Variants in SGTB observed in about 807,000 individuals in gnomAD.
SGTB encodes small glutamine rich tetratricopeptide repeat co-chaperone beta.
In SGTB, 19 loss-of-function variants were observed where a neutral mutation model predicts 43.9. That is an observed-to-expected ratio of 0.43 (90% CI 0.30 to 0.63). SGTB has a LOEUF of 0.63. Ranked by LOEUF, SGTB falls within the 30% of genes least tolerant of loss-of-function variation. SGTB has a pLI of 0.12. For missense variants in SGTB, 304 were observed against 358.9 expected (o/e 0.85, Z 1.24); for synonymous variants, 116 against 117.3 (o/e 0.99, Z 0.07).
At position 65,720,779 on chromosome 5, in the gene SGTB, G is replaced by A; in HGVS notation, c.29C>T (p.Ala10Val). 4 of 1,613,770 alleles carry A rather than the reference G, an allele frequency of 2.5e-6. No homozygotes were observed. Among genetic ancestry groups the A allele is most frequent in the Non-Finnish European group, 2.5e-6 (3 of 1,179,896 alleles). Residue 10 changes from alanine to valine, a missense_variant, in exon 2 of 11, where the codon GCA (alanine) becomes GTA (valine). Ala to Val is a moderately conservative substitution (Grantham distance 64). Coordinates refer to ENST00000381007, the MANE Select transcript of SGTB (RefSeq NM_019072.3). MSSIKHLVY[A>V]VIRFLREQSQ... is the part of the protein sequence containing the mutation. ...TTGTTCCCGTAAGAAACGAATAACT[G>A]CATAAACCAGGTGCTTGATAGATGA...
At chr5:65,673,319 A>G (rs1351218098) in intron 8 of SGTB, among the ~76,000 whole-genome samples, 1 of 152,178 alleles carries the variant, frequency 6.6e-6, no homozygotes, top group Non-Finnish European at 1.5e-5. Flanking sequence ...AAGAGGCACC[A>G]TTGACTGCTT....
At chr5:65,670,988 G>A (rs1757143545) in intron 10 of SGTB, among the ~76,000 whole-genome samples, 1 of 152,146 alleles carries the variant, frequency 6.6e-6, no homozygotes, top group South Asian at 2.1e-4. Context: ...TGATATAAGT[G>A]AAGGCAATGT....
intron 3 of SGTB, among the ~76,000 whole-genome samples, chr5:65,710,116 T>C (rs1363065808): frequency 2.0e-5 from 3 of 152,160 alleles, no homozygotes; most frequent in Admixed American, 6.5e-5. Context: ...AATAAAAATA[T>C]AGAAACAACA....
At chr5:65,705,290 G>C (rs1168024773) in intron 4 of SGTB, among the ~76,000 whole-genome samples, 1 of 151,560 alleles carries the variant, frequency 6.6e-6, no homozygotes, top group East Asian at 1.9e-4. Context: ...TCAACAAAAA[G>C]AATAATTAAA....
chr5:65,681,923 C>T (rs1189285288), intron 6 of SGTB, among the ~76,000 whole-genome samples: 3 of 150,660 alleles, frequency 2.0e-5, no homozygotes, highest in Admixed American at 6.6e-5. Context: ...TGCAGTGGGC[C>T]GAGATTGTGC....
rs1350351341 is a variant in SGTB at position 65,666,834 on chromosome 5, G to A, written c.*3412C>T. On this transcript the variant is annotated 3_prime_UTR_variant, in exon 11 of 11. Coordinates refer to ENST00000381007, the MANE Select transcript of SGTB (RefSeq NM_019072.3). ...CCCATTATTTCATGTAAAAAGAATG[G>A]CTAATTTAACTACAGATGTTAGCAC... 1.3e-5 allele frequency: 2 copies of A among 152,128 alleles called. No homozygotes were observed. Among genetic ancestry groups the A allele is most frequent in the East Asian group, 3.8e-4 (2 of 5,206 alleles). The allele number at this position is 152,128 out of a possible 1,614,324, so 9.4% of individuals were successfully genotyped here. A position where few individuals can be genotyped will look rare whatever the true frequency, so the allele number is the denominator to read the frequency against.
At chr5:65,672,663 G>A (rs1414056833) in intron 8 of SGTB, among the ~76,000 whole-genome samples, 1 of 152,110 alleles carries the variant, frequency 6.6e-6, no homozygotes, top group Admixed American at 6.5e-5. Flanking sequence ...TTGCTCCATG[G>A]GGCCCAGCAA....
At chr5:65,690,358 G>A (rs981817997) in intron 5 of SGTB, among the ~76,000 whole-genome samples, 1 of 152,118 alleles carries the variant, frequency 6.6e-6, no homozygotes, top group Non-Finnish European at 1.5e-5. Context: ...AGGATCACTT[G>A]AGCCCAGGAG....
At chr5:65,716,515 A>T (rs1053176318) in intron 2 of SGTB, among the ~76,000 whole-genome samples, 1 of 152,212 alleles carries the variant, frequency 6.6e-6, no homozygotes, top group Admixed American at 6.5e-5. Flanking sequence ...TCAAATCTAG[A>T]CATATTTTGA....
chr5:65,672,262 T>A lies in SGTB; in HGVS notation c.701A>T (p.Asn234Ile). 1 of 1,614,092 alleles carries A rather than the reference T, an allele frequency of 6.2e-7. No homozygotes were observed. The highest frequency in any genetic ancestry group is 1.1e-5 in the South Asian group (1 of 91,082). Reference protein sequence around the residue: ...FISMAASLMQNPQVQQLMSGM... With the variant: ...FISMAASLMQIPQVQQLMSGM... ...TACTTACAGCTGTTGAACTTGAGGG[T>A]TCTGCATTAAACTTGCCGCCTGGAA... Residue 234 changes from asparagine (N) to isoleucine (I), a missense_variant, in exon 9 of 11, where the codon AAC becomes ATC. Coordinates refer to ENST00000381007, the MANE Select transcript of SGTB (RefSeq NM_019072.3).
chr5:65,672,383 C>G, intron 8 of SGTB, 102 bp from the exon 9 acceptor site: 1 of 1,393,344 alleles, frequency 7.2e-7, no homozygotes, highest in South Asian at 1.2e-5. Flanking sequence ...CATGTATGCA[C>G]TAACATTTTG....
Position 65,670,225 on chromosome 5 carries a change from G to C in SGTB, c.*21C>G. The stretch of plus-strand genomic sequence containing the variant: ...CATAGCCATAAACCATTTGTATCTT[G>C]GGCTTGAGCCCCTGGTTAAATCAGG... On this transcript the variant is annotated 3_prime_UTR_variant, in exon 11 of 11. Transcript: ENST00000381007. 6.2e-7 allele frequency: 1 copy of C among 1,605,544 alleles called. No homozygotes were observed. Among genetic ancestry groups the C allele is most frequent in the Non-Finnish European group, 8.5e-7 (1 of 1,172,476 alleles).
intron 1 of SGTB, among the ~76,000 whole-genome samples, 157 bp downstream of exon 1, chr5:65,721,760 C>T (rs1423795514): frequency 2.6e-5 from 4 of 152,192 alleles, no homozygotes; most frequent in Admixed American, 2.0e-4. Context: ...GGCTTCTCCC[C>T]CTTCCTCTCC....
upstream of SGTB, chr5:65,722,398 G>A: frequency 6.3e-7 from 1 of 1,591,188 alleles, no homozygotes; most frequent in Non-Finnish European, 8.5e-7. Flanking sequence ...CCTTTTGGCT[G>A]TGCGAAGCCT....
intron 4 of SGTB, among the ~76,000 whole-genome samples, chr5:65,706,158 A>T (rs1157871519): frequency 6.6e-6 from 1 of 152,234 alleles, no homozygotes. Flanking sequence ...ATTATATCGC[A>T]ACAAATATCT....
At chr5:65,694,066 T>C (rs1414744346) in intron 5 of SGTB, among the ~76,000 whole-genome samples, 3 of 152,092 alleles carry the variant, frequency 2.0e-5, no homozygotes, top group Non-Finnish European at 2.9e-5. Context: ...AGCTACCATA[T>C]TGGACAGCAC....
At chr5:65,711,013 A>G (rs1385018556) in intron 3 of SGTB, among the ~76,000 whole-genome samples, 5 of 150,980 alleles carry the variant, frequency 3.3e-5, no homozygotes, top group Admixed American at 6.6e-5. Flanking sequence ...AAAAAAAAAA[A>G]AAATAGCCAG....
intron 4 of SGTB, 145 bp downstream of exon 4, chr5:65,708,344 C>T: frequency 1.6e-6 from 1 of 621,910 alleles, no homozygotes; most frequent in Non-Finnish European, 2.7e-6. Flanking sequence ...TCTTACCCAT[C>T]ACATTCATTT....
At chr5:65,695,079 G>A (rs769176556) in intron 5 of SGTB, among the ~76,000 whole-genome samples, 9 of 152,092 alleles carry the variant, frequency 5.9e-5, no homozygotes, top group Non-Finnish European at 7.4e-5. Context: ...GAAAAAAAAC[G>A]TCTTGGCAGA....
Sources: gnomAD v4.1 joint callset for allele counts (sites outside exome capture counted in the v4.1 genomes callset) on GRCh38, gnomAD v4.1.1 for gene constraint, MANE v1.5 for transcripts, NCBI Gene and HGNC (gene_info 2026-07-23, HGNC 2026-07-21) for gene names.